Variants in SIPA1L1 observed in about 807,000 individuals in gnomAD.
SIPA1L1 encodes the protein signal-induced proliferation-associated 1-like protein 1.
In SIPA1L1, 26 loss-of-function variants were observed where a neutral mutation model predicts 162.7. The ratio of observed to expected loss-of-function variants is 0.16; its 90% CI spans 0.12 to 0.22. The LOEUF is 0.22. Ranked by LOEUF, SIPA1L1 falls within the 10% of genes least tolerant of loss-of-function variation. The pLI, the probability that SIPA1L1 is intolerant of heterozygous loss-of-function variation, is 1.00. For synonymous variants in SIPA1L1, 829 were observed against 837.4 expected, an observed-to-expected ratio of 0.99 and a Z score of 0.17; for missense variants, 1,874 against 2,241.0, an observed-to-expected ratio of 0.84 and a Z score of 3.31.
At chr14:71,555,456 T>C (rs1465113043) in intron 4 of SIPA1L1, among the ~76,000 whole-genome samples, 2 of 152,200 alleles carry the variant, frequency 1.3e-5, no homozygotes, top group Non-Finnish European at 1.5e-5. Flanking sequence ...TTTAAGAGAA[T>C]GTTGTGGCTG....
intron 2 of SIPA1L1, among the ~76,000 whole-genome samples, chr14:71,438,311 T>C (rs1306951931): frequency 6.6e-6 from 1 of 152,152 alleles, no homozygotes; most frequent in African/African-American, 2.4e-5. Context: ...TAATGAGCCT[T>C]GGCCCCCGAT....
At chr14:71,502,249 A>ATATATATAT (rs1567114570) in intron 2 of SIPA1L1, among the ~76,000 whole-genome samples, 18 of 67,058 alleles carry the variant, frequency 2.7e-4, no homozygotes, top group African/African-American at 6.9e-4. Flanking sequence ...CTTGAAAAAA[A>ATATATATAT]AAAAAAATAT....
intron 2 of SIPA1L1, among the ~76,000 whole-genome samples, chr14:71,484,933 C>A (rs372077912): frequency 1.3e-5 from 2 of 152,156 alleles, no homozygotes; most frequent in East Asian, 3.8e-4. Flanking sequence ...AGAACATGAT[C>A]CTGACTCTTC....
chr14:71,598,701 C>G (rs555450458), intron 5 of SIPA1L1, among the ~76,000 whole-genome samples: 1 of 152,042 alleles, frequency 6.6e-6, no homozygotes, highest in South Asian at 2.1e-4. Flanking sequence ...TGGTGAAATT[C>G]GAATAAGAAC....
chr14:71,604,427 G>A (rs1372987316), intron 5 of SIPA1L1, among the ~76,000 whole-genome samples: 1 of 152,186 alleles, frequency 6.6e-6, no homozygotes, highest in Non-Finnish European at 1.5e-5. Context: ...ACAGGTGGGA[G>A]CCACTGCACC....
chr14:71,327,359 C>T (rs1318050180), intron 2 of SIPA1L1, among the ~76,000 whole-genome samples: 1 of 152,234 alleles, frequency 6.6e-6, no homozygotes. Context: ...GCTGGGATTA[C>T]AGGCATGAGC....
At chr14:71,322,203 C>CT (rs1416847096) in intron 2 of SIPA1L1, among the ~76,000 whole-genome samples, 2 of 152,128 alleles carry the variant, frequency 1.3e-5, no homozygotes, top group African/African-American at 2.4e-5. Flanking sequence ...TGTTGAAACT[C>CT]TGAGTCAGAC....
chr14:71,369,866 G>A (rs2140995386), intron 2 of SIPA1L1, among the ~76,000 whole-genome samples: 1 of 146,490 alleles, frequency 6.8e-6, no homozygotes, highest in East Asian at 2.0e-4. Flanking sequence ...TCTCCTTGAA[G>A]AGGTCCTTCA....
At chr14:71,389,303 A>G (rs148204078) in intron 2 of SIPA1L1, among the ~76,000 whole-genome samples, 15 of 152,310 alleles carry the variant, frequency 9.8e-5, no homozygotes, top group African/African-American at 3.4e-4. Flanking sequence ...GAGTTGTACA[A>G]GGCATCTGTC....
rs1006848358 is a variant in SIPA1L1, at chr14:71,672,221, C to G, written c.2830-127C>G. 5.7e-6 allele frequency: 5 copies of G among 873,666 alleles called. No individual in the cohort carries two copies. In the African/African-American group the frequency reaches 8.4e-5, roughly 15 times the overall value. The allele number at this position is 873,666 out of a possible 1,614,324, so 54.1% of individuals were successfully genotyped here. A position where few individuals can be genotyped will look rare whatever the true frequency, so the allele number is the denominator to read the frequency against. ...AGGAGATTAGTGAAGAGGAAATAAC[C>G]AGACTGCTCTTCAGCTGGCAATAAG... On this transcript the variant is annotated intron_variant, in intron 11 of 23. Coordinates refer to ENST00000381232, the MANE Select transcript of SIPA1L1 (RefSeq NM_001386936.1).
chr14:71,707,967 T>C (rs1027103799), intron 16 of SIPA1L1, among the ~76,000 whole-genome samples: 8 of 151,578 alleles, frequency 5.3e-5, no homozygotes, highest in African/African-American at 1.7e-4. Flanking sequence ...TAATAACTAA[T>C]GGTATTGAAT....
chr14:71,588,601 C>T lies in SIPA1L1; in HGVS notation c.729C>T (p.Leu243=). The change falls in exon 5 of 24, where the codon CTC becomes CTT. Residue 243 remains leucine (L), a synonymous_variant. Transcript: ENST00000381232. The surrounding 1 kb of genome is among the most constrained non-coding windows in gnomAD (Gnocchi z 4.3). ...ATCGAGGTCCAACTCCAACCAAGCT[C>T]AGTGACTTTCTCATTACTGGTGGTG... ...KSDRGPTPTK[L]SDFLITGGGK... is the part of the protein sequence containing the mutation. 6.2e-7 allele frequency: 1 copy of T among 1,614,070 alleles called. No individual in the cohort carries two copies. Among genetic ancestry groups the T allele is most frequent in the Non-Finnish European group, 8.5e-7 (1 of 1,179,982 alleles).
At chr14:71,442,383 A>ATT (rs1338426322) in intron 2 of SIPA1L1, among the ~76,000 whole-genome samples, 1 of 152,042 alleles carries the variant, frequency 6.6e-6, no homozygotes, top group Non-Finnish European at 1.5e-5. Flanking sequence ...GAAGCATAAG[A>ATT]AGGTTTGCCA....
intron 4 of SIPA1L1, among the ~76,000 whole-genome samples, chr14:71,543,460 C>A (rs1214396585): frequency 6.6e-6 from 1 of 152,120 alleles, no homozygotes; most frequent in Non-Finnish European, 1.5e-5. Flanking sequence ...TAAGAAACTG[C>A]CCAACTGTTT....
At chr14:71,655,851 T>C (rs1388656267) in intron 8 of SIPA1L1, among the ~76,000 whole-genome samples, 1 of 152,190 alleles carries the variant, frequency 6.6e-6, no homozygotes, top group African/African-American at 2.4e-5. Flanking sequence ...TTAAGTTTCT[T>C]AGAGATTCTG....
At chr14:71,603,734 A>G (rs2037084284) in intron 5 of SIPA1L1, among the ~76,000 whole-genome samples, 1 of 151,778 alleles carries the variant, frequency 6.6e-6, no homozygotes, top group South Asian at 2.1e-4. Flanking sequence ...CAGCCTGGCC[A>G]AGATGGTGAG....
chr14:71,553,633 A>G (rs1027004836), intron 4 of SIPA1L1, among the ~76,000 whole-genome samples: 1 of 152,232 alleles, frequency 6.6e-6, no homozygotes, highest in Non-Finnish European at 1.5e-5. Flanking sequence ...ATTCTGAGAT[A>G]AGGTAAAATA....
At chr14:71,397,305 C>G (rs759717725) in intron 2 of SIPA1L1, among the ~76,000 whole-genome samples, 68 of 152,090 alleles carry the variant, frequency 4.5e-4, no homozygotes, top group Non-Finnish European at 9.1e-4. Context: ...TCTCTTAAGT[C>G]TCCCTTACAT....
At chr14:71,510,487 C>G (rs2051055540) in intron 2 of SIPA1L1, among the ~76,000 whole-genome samples, 2 of 152,030 alleles carry the variant, frequency 1.3e-5, no homozygotes, top group African/African-American at 4.8e-5. Flanking sequence ...CACGCCTGGC[C>G]TAATCCCCTT....
Sources: allele counts gnomAD v4.1 joint callset (sites outside exome capture counted in the v4.1 genomes callset), GRCh38; gene constraint gnomAD v4.1.1; non-coding constraint Gnocchi (gnomAD v3.1); transcripts MANE v1.5; gene names NCBI Gene and HGNC (gene_info 2026-07-23, HGNC 2026-07-21).